The following PDGFA variants were observed in gnomAD, a reference collection of about 807,000 sequenced individuals.
The protein encoded by PDGFA is platelet derived growth factor subunit A.
Under a neutral mutation model 25.6 loss-of-function variants are expected in PDGFA, and 9 were observed. The observed-to-expected ratio is 0.35, with a 90% CI of 0.21 to 0.61. The LOEUF (loss-of-function observed/expected upper bound fraction) is 0.61, where lower values mean the gene tolerates loss of function less well. PDGFA is among the 20% of genes least tolerant of loss of function. The pLI, the probability that PDGFA is intolerant of heterozygous loss-of-function variation, is 0.75. For synonymous variants in PDGFA, 133 were observed against 111.8 expected (o/e 1.19, Z -1.20); for missense variants, 242 against 272.8 (o/e 0.89, Z 0.79).
chr7:510,878 G>A, exon 4 of PDGFA: 1 of 1,612,154 alleles, frequency 6.2e-7, no homozygotes, highest in Non-Finnish European at 8.5e-7. Flanking sequence ...AGCCGGTGCA[G>A]CGTTTCACCT....
In PDGFA at chr7:518,807, T is replaced by C. The variant is rs73041899; in HGVS notation, c.63+132A>G. On this transcript the variant is annotated intron_variant, in intron 1 of 5. Coordinates refer to ENST00000402802, the Ensembl canonical transcript of PDGFA. The stretch of plus-strand genomic sequence containing the variant: ...AGGCATGGCAGAAAATAGAACCCAG[T>C]TGGGAAAATCTAAACATCGACCACC... 3.9e-3 allele frequency: 2,097 copies of C among 543,342 alleles called. 24 individuals carry two copies. The highest frequency in any genetic ancestry group is 4.8e-3 in the Non-Finnish European group (1,514 of 317,380). The allele number at this position is 543,342 out of a possible 1,614,324, so 33.7% of individuals were successfully genotyped here. A position where few individuals can be genotyped will look rare whatever the true frequency, so the allele number is the denominator to read the frequency against.
chr7:514,999 C>A (rs893726386), intron 2 of PDGFA, among the ~76,000 whole-genome samples: 2 of 152,212 alleles, frequency 1.3e-5, no homozygotes, highest in African/African-American at 2.4e-5. Flanking sequence ...TCAGTCTCCC[C>A]AACTGTACAG....
chr7:515,439 C>A (rs1434189369), intron 2 of PDGFA, among the ~76,000 whole-genome samples: 1 of 152,194 alleles, frequency 6.6e-6, no homozygotes, highest in Non-Finnish European at 1.5e-5. Flanking sequence ...GCCGGTGCCT[C>A]TCCTGTCCTC....
intron 2 of PDGFA, among the ~76,000 whole-genome samples, chr7:516,343 T>G (rs1171909392): frequency 6.6e-6 from 1 of 151,814 alleles, no homozygotes; most frequent in African/African-American, 2.4e-5. Context: ...CATAATTAGG[T>G]ACAAATTTCC....
chr7:508,915 AG>A (rs2128398574), intron 4 of PDGFA, among the ~76,000 whole-genome samples: 1 of 152,380 alleles, frequency 6.6e-6, no homozygotes, highest in Admixed American at 6.5e-5. Flanking sequence ...CTTGCAAACA[AG>A]ATGGCAGCAG....
At chr7:518,213 C>G (rs1250465388) in intron 1 of PDGFA, among the ~76,000 whole-genome samples, 2 of 152,194 alleles carry the variant, frequency 1.3e-5, no homozygotes, top group Non-Finnish European at 2.9e-5. Context: ...CTCTGGCCTC[C>G]CCCACTCCCC....
exon 1 of PDGFA, chr7:519,272 G>C: frequency 6.5e-6 from 1 of 154,556 alleles, no homozygotes; most frequent in Non-Finnish European, 1.4e-5. Context: ...GGTGGGGACG[G>C]AAGGGGCGGA....
chr7:520,265 C>G (rs1283462810), upstream of PDGFA: 1 of 191,902 alleles, frequency 5.2e-6, no homozygotes, highest in African/African-American at 2.4e-5. Context: ...GCCAGAGAGC[C>G]GGTCCCCGCC....
intron 4 of PDGFA, among the ~76,000 whole-genome samples, chr7:506,892 G>A (rs541181751): frequency 2.6e-5 from 4 of 152,310 alleles, no homozygotes; most frequent in South Asian, 4.1e-4. Context: ...ACCTCTGAAT[G>A]TTGACCGGAA....
chr7:506,794 C>G, intron 4 of PDGFA, among the ~76,000 whole-genome samples: 1 of 152,200 alleles, frequency 6.6e-6, no homozygotes, highest in East Asian at 1.9e-4. Flanking sequence ...CCCAGGGCTG[C>G]CGGTCAGTCA....
chr7:499,683 T>C (rs548852591), intron 5 of PDGFA, among the ~76,000 whole-genome samples: 1 of 129,308 alleles, frequency 7.7e-6, no homozygotes, highest in East Asian at 2.2e-4. Context: ...CTGGGTGGGA[T>C]TTCCAGGATA....
rs1466699786 is a variant in PDGFA, at chr7:517,367, C to T, written c.160+27G>A. On this transcript the variant is annotated intron_variant, in intron 2 of 5. Transcript: ENST00000402802. This position sits in a 1 kb window ranked among gnomAD's most constrained non-coding sequence, Gnocchi z 7.4. ...AGGCCGCCCGCCCGCGCCCTCCCCG[C>T]GCGCGGAGGGAAGGGGCGCGATTTA... 1.7e-6 allele frequency: 2 copies of T among 1,211,422 alleles called. No individual in the cohort carries two copies. The highest frequency in any genetic ancestry group is 2.2e-6 in the Non-Finnish European group (2 of 919,116). The allele number at this position is 1,211,422 out of a possible 1,614,324, so 75.0% of individuals were successfully genotyped here.
At chr7:520,077 C>CGCCGGGGCTCCGCGCCCCTCCCG, upstream of PDGFA, 1 of 396,302 alleles carries the variant, frequency 2.5e-6, no homozygotes, top group South Asian at 1.7e-5. Context: ...CGCCCGGCTC[C>CGCCGGGGCTCCGCGCCCCTCCCG]GCGCCGGGGC....
chr7:516,627 G>A (rs956009976), intron 2 of PDGFA, among the ~76,000 whole-genome samples: 13 of 152,200 alleles, frequency 8.5e-5, no homozygotes, highest in African/African-American at 1.2e-4. Flanking sequence ...AGCCCTGAGC[G>A]GGCGGGCGGC....
At chr7:501,783 C>T (rs1437501507) in intron 4 of PDGFA, among the ~76,000 whole-genome samples, 3 of 152,262 alleles carry the variant, frequency 2.0e-5, no homozygotes, top group Admixed American at 1.3e-4. Context: ...CAAAGGTTCA[C>T]GTGTGCCTGG....
At chr7:497,996 ACCACT>A (rs1782168617) in exon 6 of PDGFA, 1 of 148,374 alleles carries the variant, frequency 6.7e-6, no homozygotes, top group Admixed American at 6.7e-5. Context: ...AAAAAAAAAA[ACCACT>A]TAAGGCTCTC....
rs151111414 is a variant in PDGFA, at chr7:512,384, G to A, written c.232C>T (p.Arg78Trp). The stretch of plus-strand genomic sequence containing the variant: ...CTCTTCCTCCGAATGGGCAGGGGCC[G>A]CTTCTCGGGCACATGCTTAGTGGCA... The change falls in exon 3 of 6, where the codon CGG becomes TGG. Residue 78 changes from arginine (R) to tryptophan (W), a missense_variant. Arg to Trp is a moderately radical substitution (Grantham distance 101). Transcript: ENST00000402802. 51 of 1,613,582 alleles carry A rather than the reference G, an allele frequency of 3.2e-5. No homozygotes were observed. The highest frequency in any genetic ancestry group is 3.1e-4 in the East Asian group (14 of 44,826).
rs1319765197 is a variant in PDGFA at position 517,479 on chromosome 7, G to A, written c.75C>T (p.Ile25=). The A allele has an allele frequency of 6.0e-6, 8 of 1,334,472 alleles. No individual in the cohort carries two copies. The highest frequency in any genetic ancestry group is 2.4e-4 in the Middle Eastern group (1 of 4,108). 82.7% of individuals were successfully genotyped at this position (1,334,472 alleles called of 1,614,324 possible). Residue 25 remains isoleucine, a synonymous_variant, in exon 2 of 6, where the codon ATC becomes ATT. Coordinates refer to ENST00000402802, the Ensembl canonical transcript of PDGFA. This position sits in a 1 kb window ranked among gnomAD's most constrained non-coding sequence, Gnocchi z 7.4. Reference sequence around the variant, plus strand: ...CCAGCCTCTCGATCACCTCGCGGGGGATCTCGGCTTCCTGCAAGCAGAGGC... The same window carrying A: ...CCAGCCTCTCGATCACCTCGCGGGGAATCTCGGCTTCCTGCAAGCAGAGGC...
chr7:516,039 A>AC (rs1783077365), intron 2 of PDGFA, among the ~76,000 whole-genome samples: 2 of 23,362 alleles, frequency 8.6e-5, no homozygotes, highest in Non-Finnish European at 9.9e-5. Context: ...TCCAGGAAGC[A>AC]GCCCCCCCCC....
Sources: gnomAD v4.1 joint callset for allele counts (sites outside exome capture counted in the v4.1 genomes callset) on GRCh38, gnomAD v4.1.1 for gene constraint, Gnocchi (gnomAD v3.1) non-coding constraint, MANE v1.5 for transcripts, NCBI Gene and HGNC (gene_info 2026-07-23, HGNC 2026-07-21) for gene names.